Variants in FSTL5 observed in about 807,000 individuals in gnomAD.
FSTL5 encodes the protein follistatin-related protein 5.
FSTL5 carries 62 observed loss-of-function variants against 89.1 expected under a neutral mutation model. That is an observed-to-expected ratio of 0.70 (90% CI 0.57 to 0.86). The LOEUF (loss-of-function observed/expected upper bound fraction) is 0.86. Ranked by LOEUF, FSTL5 falls within the 40% of genes least tolerant of loss-of-function variation. The probability of loss-of-function intolerance (pLI) is 0.00; values close to 1 mark genes in which losing one functional copy is unlikely to be tolerated. For missense variants in FSTL5, 1,057 were observed against 1,001.6 expected, an observed-to-expected ratio of 1.06 and a Z score of -0.75; for synonymous variants, 383 against 346.2, an observed-to-expected ratio of 1.11 and a Z score of -1.18.
intron 6 of FSTL5, among the ~76,000 whole-genome samples, chr4:161,737,893 T>C (rs989505370): frequency 2.6e-5 from 4 of 152,048 alleles, no homozygotes; most frequent in African/African-American, 9.7e-5. Context: ...GTCAAATATG[T>C]ATTTCAGTGT....
At chr4:161,471,261 T>C (rs940053369) in intron 13 of FSTL5, among the ~76,000 whole-genome samples, 3 of 152,272 alleles carry the variant, frequency 2.0e-5, no homozygotes, top group Non-Finnish European at 2.9e-5. Flanking sequence ...ATTTTTATTA[T>C]GAAAGAGTGT....
intron 7 of FSTL5, among the ~76,000 whole-genome samples, chr4:161,592,312 C>T (rs1733847370): frequency 6.6e-6 from 1 of 152,022 alleles, no homozygotes; most frequent in South Asian, 2.1e-4. Flanking sequence ...TTCTGGGGTA[C>T]ATATGCAGAA....
intron 11 of FSTL5, among the ~76,000 whole-genome samples, chr4:161,506,965 T>C (rs17041128): frequency 0.037 from 5,562 of 152,258 alleles, 350 homozygotes; most frequent in African/African-American, 0.12. Context: ...TTTTCCTGAA[T>C]ACGAAACTTT....
intron 3 of FSTL5, among the ~76,000 whole-genome samples, chr4:161,996,764 C>T (rs373528313): frequency 6.6e-5 from 10 of 152,284 alleles, no homozygotes; most frequent in African/African-American, 2.2e-4. Context: ...ACAGTTATTG[C>T]TCTATGTAGC....
intron 3 of FSTL5, among the ~76,000 whole-genome samples, chr4:161,936,273 T>C (rs1005707826): frequency 6.6e-6 from 1 of 152,188 alleles, no homozygotes; most frequent in African/African-American, 2.4e-5. Flanking sequence ...ATAATTTACA[T>C]AATCTAAGTG....
At chr4:162,060,407 C>A (rs1375493304) in intron 2 of FSTL5, among the ~76,000 whole-genome samples, 1 of 151,962 alleles carries the variant, frequency 6.6e-6, no homozygotes, top group Non-Finnish European at 1.5e-5. Flanking sequence ...AATTTTAGAG[C>A]ATTTTGCTTA....
intron 15 of FSTL5, among the ~76,000 whole-genome samples, chr4:161,444,947 C>T (rs929928606): frequency 6.6e-6 from 1 of 151,838 alleles, no homozygotes; most frequent in Non-Finnish European, 1.5e-5. Context: ...TTAAATGAGA[C>T]AGAGCATAAA....
intron 15 of FSTL5, among the ~76,000 whole-genome samples, chr4:161,451,039 C>T (rs1271791254): frequency 1.3e-5 from 2 of 152,104 alleles, no homozygotes; most frequent in African/African-American, 4.8e-5. Flanking sequence ...CCACTGAGCC[C>T]GGCCCATTCA....
At chr4:161,870,209 G>A (rs1031976759) in intron 4 of FSTL5, among the ~76,000 whole-genome samples, 2 of 152,148 alleles carry the variant, frequency 1.3e-5, no homozygotes, top group East Asian at 1.9e-4. Flanking sequence ...ACAGTATATG[G>A]CATATATAAG....
intron 6 of FSTL5, among the ~76,000 whole-genome samples, chr4:161,758,206 TAAG>T (rs987001913): frequency 5.4e-4 from 83 of 152,300 alleles, no homozygotes; most frequent in Middle Eastern, 3.4e-3. Flanking sequence ...CATGAATTTT[TAAG>T]AAGAAAAATA....
chr4:161,574,516 C>T (rs1733143830), intron 8 of FSTL5, among the ~76,000 whole-genome samples: 1 of 151,922 alleles, frequency 6.6e-6, no homozygotes, highest in Non-Finnish European at 1.5e-5. Flanking sequence ...CTCTCCTTGC[C>T]CCCAAGCCCT....
chr4:162,158,086 C>G (rs1230589104), intron 1 of FSTL5, among the ~76,000 whole-genome samples: 1 of 152,010 alleles, frequency 6.6e-6, no homozygotes, highest in Non-Finnish European at 1.5e-5. Context: ...CTGTTCAAAA[C>G]TTTAGTAGCT....
intron 3 of FSTL5, among the ~76,000 whole-genome samples, chr4:161,925,255 TA>T (rs1175665215): frequency 6.6e-6 from 1 of 151,936 alleles, no homozygotes; most frequent in Non-Finnish European, 1.5e-5. Context: ...CTTCTTAATT[TA>T]AATCATATTT....
chr4:162,069,463 A>C (rs1729504727), intron 2 of FSTL5, among the ~76,000 whole-genome samples: 1 of 151,948 alleles, frequency 6.6e-6, no homozygotes, highest in Non-Finnish European at 1.5e-5. Context: ...GTCAACCCAC[A>C]GTTCTGAAGA....
intron 7 of FSTL5, among the ~76,000 whole-genome samples, chr4:161,625,650 T>C (rs1415828430): frequency 3.9e-5 from 6 of 152,020 alleles, no homozygotes; most frequent in African/African-American, 1.2e-4. Flanking sequence ...AAAGGAAGAG[T>C]CACACACCTC....
At chr4:162,144,225 G>A (rs1007845528) in intron 1 of FSTL5, among the ~76,000 whole-genome samples, 15 of 152,086 alleles carry the variant, frequency 9.9e-5, no homozygotes, top group South Asian at 2.1e-4. Flanking sequence ...AAGCATGTAC[G>A]CAAGGAACAA....
rs913594827 is a variant in FSTL5 at position 161,670,303 on chromosome 4, T to C, written c.728-13809A>G. 2.0e-5 allele frequency among the ~76,000 whole-genome samples: 3 copies of C among 152,182 alleles called. No individual in the cohort carries two copies. The South Asian group carries it at 6.2e-4, about 31-fold the overall frequency. On this transcript the variant is annotated intron_variant, in intron 6 of 15. Transcript: ENST00000306100. ...CATTTCCTATATGTTAACAAATGTG[T>C]TCAGTGCCATGTTGAAAAGCTATTA...
intron 2 of FSTL5, among the ~76,000 whole-genome samples, chr4:162,053,720 A>G (rs1738452682): frequency 6.6e-6 from 1 of 151,838 alleles, no homozygotes; most frequent in Non-Finnish European, 1.5e-5. Flanking sequence ...AATTTAAAAG[A>G]TATATTCTAG....
intron 3 of FSTL5, among the ~76,000 whole-genome samples, chr4:161,997,427 G>A (rs116405565): frequency 2.2e-4 from 33 of 152,070 alleles, no homozygotes; most frequent in African/African-American, 6.0e-4. Context: ...TACACATAAC[G>A]GTTGACTATC....
Sources: allele counts gnomAD v4.1 joint callset (sites outside exome capture counted in the v4.1 genomes callset), GRCh38; gene constraint gnomAD v4.1.1; transcripts MANE v1.5; gene names NCBI Gene and HGNC (gene_info 2026-07-23, HGNC 2026-07-21).